Variants in TRAPPC12 observed in about 807,000 individuals in gnomAD.
TRAPPC12 encodes the protein TPR repeat protein 15.
Under a neutral mutation model 69.2 loss-of-function variants are expected in TRAPPC12, and 61 were observed. The ratio of observed to expected loss-of-function variants is 0.88; its 90% CI spans 0.72 to 1.09. TRAPPC12 has a LOEUF of 1.09. TRAPPC12 is among the 50% of genes least tolerant of loss of function. The pLI, the probability that TRAPPC12 is intolerant of heterozygous loss-of-function variation, is 0.00. For synonymous variants in TRAPPC12, 469 were observed against 438.9 expected, an observed-to-expected ratio of 1.07 and a Z score of -0.86; for missense variants, 1,101 against 1,016.4, an observed-to-expected ratio of 1.08 and a Z score of -1.13.
rs1662280649 is a variant in TRAPPC12 at position 3,414,843 on chromosome 2, G to A, written c.1165-7038G>A. Among the ~76,000 whole-genome samples the A allele has an allele frequency of 6.6e-6, 1 of 152,206 alleles. No individual in the cohort carries two copies. The stretch of plus-strand genomic sequence containing the variant: ...TTCATAAACACACGTATGTGTGCAT[G>A]TATGTATTTCTTATGGACATCACGT... On this transcript the variant is annotated intron_variant, in intron 3 of 11. Coordinates refer to ENST00000324266, the MANE Select transcript of TRAPPC12 (RefSeq NM_016030.6). The surrounding 1 kb of genome is among the most constrained non-coding windows in gnomAD (Gnocchi z 4.9).
chr2:3,393,355 T>C (rs543305038), intron 2 of TRAPPC12, among the ~76,000 whole-genome samples: 14 of 152,232 alleles, frequency 9.2e-5, no homozygotes, highest in African/African-American at 3.4e-4. Context: ...TGGGGAGATG[T>C]TACTCAAAGG....
At chr2:3,479,171 G>T (rs534352627) in intron 11 of TRAPPC12, 48 bp from the exon 12 acceptor site, 2 of 1,588,618 alleles carry the variant, frequency 1.3e-6, no homozygotes, top group Non-Finnish European at 1.7e-6. Context: ...ATGGGCGGGC[G>T]TCTGTCCTGG....
At chr2:3,382,715 A>C (rs1041031429) in intron 1 of TRAPPC12, among the ~76,000 whole-genome samples, 5 of 152,158 alleles carry the variant, frequency 3.3e-5, no homozygotes, top group African/African-American at 4.8e-5. Flanking sequence ...ACTTGAGCTC[A>C]GAAGTTTGAG....
chr2:3,460,160 G>A, intron 7 of TRAPPC12, 103 bp from the exon 8 acceptor site: 2 of 802,498 alleles, frequency 2.5e-6, no homozygotes, highest in Non-Finnish European at 4.4e-6. Flanking sequence ...GTTAACAAGA[G>A]GGATCTTTTA....
chr2:3,397,464 G>A (rs1408637400), intron 2 of TRAPPC12, among the ~76,000 whole-genome samples: 1 of 152,076 alleles, frequency 6.6e-6, no homozygotes, highest in Non-Finnish European at 1.5e-5. Flanking sequence ...GTGAGCTCTG[G>A]GCTTGTCAGC....
intron 3 of TRAPPC12, among the ~76,000 whole-genome samples, chr2:3,416,994 C>G (rs73129474): frequency 6.6e-6 from 1 of 151,700 alleles, no homozygotes; most frequent in Admixed American, 6.6e-5. Flanking sequence ...GCTCCCGCTC[C>G]TCTCAGGAAG....
intron 1 of TRAPPC12, among the ~76,000 whole-genome samples, chr2:3,384,113 C>T (rs1299136543): frequency 6.6e-6 from 1 of 151,954 alleles, no homozygotes; most frequent in Non-Finnish European, 1.5e-5. Context: ...CCAGGCTGGT[C>T]TTGAACTTCT....
intron 5 of TRAPPC12, among the ~76,000 whole-genome samples, chr2:3,443,127 T>G (rs970232760): frequency 1.1e-4 from 16 of 152,356 alleles, no homozygotes; most frequent in African/African-American, 1.2e-4. Flanking sequence ...CTCCTGAGCT[T>G]CTTCCTCTTC....
rs1295740665 is a variant in TRAPPC12 at position 3,414,783 on chromosome 2, C to T, written c.1165-7098C>T. Among the ~76,000 whole-genome samples, 2 of 152,134 alleles carry T rather than the reference C, an allele frequency of 1.3e-5. No individual in the cohort carries two copies. The highest frequency in any genetic ancestry group is 2.9e-5 in the Non-Finnish European group (2 of 68,022). Reference sequence around the variant, plus strand: ...GCGAGACTCCCCACCCCTGTGCCACCGGTCTCGGTGTCTCCCACACTGGAG... The same window carrying T: ...GCGAGACTCCCCACCCCTGTGCCACTGGTCTCGGTGTCTCCCACACTGGAG... On this transcript the variant is annotated intron_variant, in intron 3 of 11. Transcript: ENST00000324266. This position sits in a 1 kb window ranked among gnomAD's most constrained non-coding sequence, Gnocchi z 4.9.
intron 2 of TRAPPC12, among the ~76,000 whole-genome samples, chr2:3,390,127 G>A (rs1413844866): frequency 6.6e-6 from 1 of 152,138 alleles, no homozygotes; most frequent in Non-Finnish European, 1.5e-5. Context: ...TTGCAGCTAG[G>A]CTTTAAACTG....
chr2:3,434,237 G>A (rs1009943906), intron 5 of TRAPPC12, among the ~76,000 whole-genome samples: 1 of 152,226 alleles, frequency 6.6e-6, no homozygotes, highest in African/African-American at 2.4e-5. Context: ...AGGAGCTGCT[G>A]AGTAAATGTC....
intron 5 of TRAPPC12, among the ~76,000 whole-genome samples, chr2:3,426,868 A>G (rs1663134011): frequency 6.6e-6 from 1 of 152,204 alleles, no homozygotes; most frequent in Admixed American, 6.5e-5. Flanking sequence ...AGATACAGCC[A>G]TGGCTGGTTG....
chr2:3,387,417 G>T (rs1660542934), intron 1 of TRAPPC12, among the ~76,000 whole-genome samples: 1 of 152,214 alleles, frequency 6.6e-6, no homozygotes, highest in East Asian at 1.9e-4. Flanking sequence ...CTGGAGATTG[G>T]TTGCACAGAA....
intron 3 of TRAPPC12, chr2:3,421,562 T>G (rs1662785458): frequency 3.7e-6 from 2 of 546,626 alleles, no homozygotes; most frequent in East Asian, 7.9e-5. Context: ...TCATATAGAT[T>G]GAGAGATGTG....
At chr2:3,466,369 G>C in intron 9 of TRAPPC12, 1 of 471,232 alleles carries the variant, frequency 2.1e-6, no homozygotes, top group Non-Finnish European at 4.4e-6. Flanking sequence ...AAGCAGCACA[G>C]ACCTTCCACA....
At chr2:3,420,154 C>T (rs1662696508) in intron 3 of TRAPPC12, among the ~76,000 whole-genome samples, 1 of 152,120 alleles carries the variant, frequency 6.6e-6, no homozygotes, top group South Asian at 2.1e-4. Context: ...GGTAAACACA[C>T]TGGTAATGTG....
intron 2 of TRAPPC12, among the ~76,000 whole-genome samples, chr2:3,395,104 TTTC>T (rs770845426): frequency 3.9e-5 from 6 of 152,210 alleles, no homozygotes; most frequent in Non-Finnish European, 8.8e-5. Flanking sequence ...AATAGAACAG[TTTC>T]CAAAGTGGGC....
At chr2:3,393,146 A>G (rs1159216583) in intron 2 of TRAPPC12, among the ~76,000 whole-genome samples, 1 of 152,340 alleles carries the variant, frequency 6.6e-6, no homozygotes, top group East Asian at 1.9e-4. Flanking sequence ...AAAAGAAAAT[A>G]TACACAATGG....
chr2:3,407,795 CAAAAAAAG>C (rs1462444905), intron 3 of TRAPPC12, among the ~76,000 whole-genome samples: 1 of 148,740 alleles, frequency 6.7e-6, no homozygotes, highest in Non-Finnish European at 1.5e-5. Flanking sequence ...GACTCCGTTT[CAAAAAAAG>C]AAAAAAAAGA....
Sources: allele counts gnomAD v4.1 joint callset (sites outside exome capture counted in the v4.1 genomes callset), GRCh38; gene constraint gnomAD v4.1.1; non-coding constraint Gnocchi (gnomAD v3.1); transcripts MANE v1.5; gene names NCBI Gene and HGNC (gene_info 2026-07-23, HGNC 2026-07-21).